SDC2: variants seen among roughly 807,000 people sequenced by gnomAD.
SDC2 encodes the protein syndecan 2, also known as syndecan-2.
A neutral mutation model predicts 22.2 loss-of-function variants in SDC2; 13 were observed. That is an observed-to-expected ratio of 0.59 (90% CI 0.38 to 0.93). The LOEUF is 0.93. Among genes scored for constraint, SDC2 ranks in the 40% least tolerant of loss-of-function variants. SDC2 has a pLI of 0.00. For synonymous variants in SDC2, 94 were observed against 92.8 expected (o/e 1.01, Z -0.07); for missense variants, 235 against 246.8 (o/e 0.95, Z 0.32).
At chr8:96,547,061 T>G (rs1248884689) in intron 1 of SDC2, among the ~76,000 whole-genome samples, 3 of 152,234 alleles carry the variant, frequency 2.0e-5, no homozygotes, top group African/African-American at 7.2e-5. Flanking sequence ...TGACAATTTT[T>G]TAAAAGCCAT....
chr8:96,527,743 G>A (rs1034423203), intron 1 of SDC2, among the ~76,000 whole-genome samples: 1 of 152,134 alleles, frequency 6.6e-6, no homozygotes, highest in African/African-American at 2.4e-5. Context: ...CTGAATGTTT[G>A]GAATGGAGTG....
intron 1 of SDC2, chr8:96,584,996 C>T (rs1259151463): frequency 6.6e-6 from 1 of 152,166 alleles, no homozygotes; most frequent in South Asian, 2.1e-4. Flanking sequence ...GAATCTGAAC[C>T]CATTACCACA....
At chr8:96,534,202 C>G (rs1269717361) in intron 1 of SDC2, among the ~76,000 whole-genome samples, 4 of 152,222 alleles carry the variant, frequency 2.6e-5, no homozygotes, top group African/African-American at 9.6e-5. Context: ...CTCCACACCT[C>G]CCTGCAAGCT....
intron 2 of SDC2, among the ~76,000 whole-genome samples, chr8:96,596,646 G>A (rs1814882185): frequency 6.6e-6 from 1 of 152,210 alleles, no homozygotes; most frequent in Non-Finnish European, 1.5e-5. Flanking sequence ...GGAAAGGGCT[G>A]TATAACAAAA....
At chr8:96,542,881 C>A (rs1274670611) in intron 1 of SDC2, among the ~76,000 whole-genome samples, 1 of 152,190 alleles carries the variant, frequency 6.6e-6, no homozygotes, top group Non-Finnish European at 1.5e-5. Context: ...ATAGCTCCCC[C>A]TTTAAGAGTG....
At chr8:96,594,295 G>A (rs1191416431) in intron 2 of SDC2, among the ~76,000 whole-genome samples, 1 of 152,176 alleles carries the variant, frequency 6.6e-6, no homozygotes, top group African/African-American at 2.4e-5. Flanking sequence ...TCAGTGGTCA[G>A]CTGCCGGTTG....
chr8:96,561,984 G>C (rs1814217314), intron 1 of SDC2, among the ~76,000 whole-genome samples: 1 of 152,054 alleles, frequency 6.6e-6, no homozygotes, highest in Admixed American at 6.5e-5. Context: ...TCCCAGAGAA[G>C]TTTTTAATTA....
intron 1 of SDC2, among the ~76,000 whole-genome samples, chr8:96,495,303 G>A (rs2130407332): frequency 6.6e-6 from 1 of 152,310 alleles, no homozygotes; most frequent in African/African-American, 2.4e-5. Context: ...CCCCCGCCCT[G>A]GCGGTGGGAA....
intron 1 of SDC2, among the ~76,000 whole-genome samples, chr8:96,553,686 T>C (rs1406560884): frequency 6.6e-6 from 1 of 152,190 alleles, no homozygotes; most frequent in Non-Finnish European, 1.5e-5. Flanking sequence ...ACAAGTGTTA[T>C]TCTTTATGCT....
intron 1 of SDC2, among the ~76,000 whole-genome samples, chr8:96,500,565 G>A (rs1245984036): frequency 6.6e-6 from 1 of 150,774 alleles, no homozygotes; most frequent in African/African-American, 2.4e-5. Context: ...GGGAGGCTGA[G>A]GCAGGAGAAT....
At chr8:96,579,639 A>T (rs1417916796) in intron 1 of SDC2, among the ~76,000 whole-genome samples, 2 of 152,218 alleles carry the variant, frequency 1.3e-5, no homozygotes, top group Non-Finnish European at 2.9e-5. Context: ...CCAGATCTCA[A>T]ATGAAGACAG....
Position 96,593,367 on chromosome 8 carries a change from A to C in SDC2, c.61-113A>C, listed in dbSNP as rs1208144156. 7 of 668,410 alleles carry C rather than the reference A, an allele frequency of 1.0e-5. No homozygotes were observed. The African/African-American group carries it at 1.3e-4, about 12-fold the overall frequency. The allele number at this position is 668,410 out of a possible 1,614,324, so 41.4% of individuals were successfully genotyped here. A position where few individuals can be genotyped will look rare whatever the true frequency, so the allele number is the denominator to read the frequency against. ...ACTGTGGCCAGAGATGTGGATTCAGACTACTGTGGGAGTGGGAGGGGTAGT... is the reference window on the plus strand; with the variant it reads ...ACTGTGGCCAGAGATGTGGATTCAGCCTACTGTGGGAGTGGGAGGGGTAGT... On this transcript the variant is annotated intron_variant, in intron 1 of 4. Coordinates refer to ENST00000302190, the MANE Select transcript of SDC2 (RefSeq NM_002998.4).
intron 1 of SDC2, among the ~76,000 whole-genome samples, chr8:96,502,949 C>A (rs150351264): frequency 0.051 from 7,698 of 152,176 alleles, 320 homozygotes; most frequent in Middle Eastern, 0.2. Context: ...AAGCTCTAGC[C>A]CAGAGGGTGG....
chr8:96,514,984 T>C (rs917685282), intron 1 of SDC2, among the ~76,000 whole-genome samples: 12 of 152,136 alleles, frequency 7.9e-5, no homozygotes, highest in African/African-American at 2.9e-4. Context: ...TAGCGCTCAC[T>C]TCCATGTTTC....
intron 1 of SDC2, among the ~76,000 whole-genome samples, chr8:96,578,129 A>G (rs1480568333): frequency 6.6e-6 from 1 of 152,228 alleles, no homozygotes; most frequent in Non-Finnish European, 1.5e-5. Context: ...GGAAAAGGCA[A>G]TTATGTTGTT....
At chr8:96,508,044 C>G (rs1019179596) in intron 1 of SDC2, among the ~76,000 whole-genome samples, 2 of 152,092 alleles carry the variant, frequency 1.3e-5, no homozygotes, top group Non-Finnish European at 2.9e-5. Flanking sequence ...TGCCTGTAAT[C>G]CCAGCACTTT....
intron 1 of SDC2, among the ~76,000 whole-genome samples, chr8:96,570,032 C>T (rs775420948): frequency 7.9e-5 from 12 of 152,222 alleles, no homozygotes; most frequent in African/African-American, 2.2e-4. Context: ...TGATCTAACA[C>T]GCAGGATGCT....
At chr8:96,583,301 T>C (rs1001548024) in intron 1 of SDC2, among the ~76,000 whole-genome samples, 1 of 146,174 alleles carries the variant, frequency 6.8e-6, no homozygotes, top group Non-Finnish European at 1.5e-5. Flanking sequence ...TAATATACAA[T>C]ATATATGATA....
intron 1 of SDC2, among the ~76,000 whole-genome samples, chr8:96,539,936 G>T (rs1382827956): frequency 6.6e-6 from 1 of 152,140 alleles, no homozygotes; most frequent in African/African-American, 2.4e-5. Context: ...AAGGGAACCT[G>T]CTTGGAGGCA....
Sources: gnomAD v4.1 joint callset for allele counts (sites outside exome capture counted in the v4.1 genomes callset) on GRCh38, gnomAD v4.1.1 for gene constraint, MANE v1.5 for transcripts, NCBI Gene and HGNC (gene_info 2026-07-23, HGNC 2026-07-21) for gene names.